The following MLLT10 variants were observed in gnomAD, a reference collection of about 807,000 sequenced individuals.
The protein encoded by MLLT10 is MLLT10 histone lysine methyltransferase DOT1L cofactor.
Under a neutral mutation model 129.1 loss-of-function variants are expected in MLLT10, and 30 were observed. The observed-to-expected ratio is 0.23, with a 90% CI of 0.17 to 0.32. The LOEUF (loss-of-function observed/expected upper bound fraction) is 0.32. Ranked by LOEUF, MLLT10 falls within the 10% of genes least tolerant of loss-of-function variation. The probability of loss-of-function intolerance (pLI) is 1.00; values close to 1 mark genes in which losing one functional copy is unlikely to be tolerated. For synonymous variants in MLLT10, 490 were observed against 446.4 expected (o/e 1.10, Z -1.23); for missense variants, 1,119 against 1,268.3 (o/e 0.88, Z 1.79).
At chr10:21,619,033 C>CACAT (rs1589259646) in intron 8 of MLLT10, among the ~76,000 whole-genome samples, 2 of 70,934 alleles carry the variant, frequency 2.8e-5, no homozygotes, top group African/African-American at 1.1e-4. Context: ...GTGACATACA[C>CACAT]ACACACACAC....
intron 13 of MLLT10, among the ~76,000 whole-genome samples, chr10:21,688,938 T>C (rs534956853): frequency 1.5e-4 from 23 of 152,134 alleles, no homozygotes; most frequent in Non-Finnish European, 2.4e-4. Flanking sequence ...AACATATATC[T>C]CAAATACTCT....
intron 17 of MLLT10, among the ~76,000 whole-genome samples, 156 bp from the exon 18 acceptor site, chr10:21,732,743 A>C (rs2131577862): frequency 6.6e-6 from 1 of 152,336 alleles, no homozygotes; most frequent in Middle Eastern, 3.4e-3. Context: ...TTATATCCAT[A>C]AACAAATTTA....
intron 3 of MLLT10, among the ~76,000 whole-genome samples, chr10:21,569,425 A>ATTT (rs768378294): frequency 2.2e-5 from 3 of 138,592 alleles, no homozygotes; most frequent in Non-Finnish European, 3.1e-5. Context: ...TACCCAGCCA[A>ATTT]TTTTTTTTTT....
chr10:21,690,644 T>C (rs972857187), intron 13 of MLLT10, among the ~76,000 whole-genome samples: 5 of 152,092 alleles, frequency 3.3e-5, no homozygotes, highest in Admixed American at 2.6e-4. Flanking sequence ...TCTTGTATTT[T>C]TTTGTCCGAA....
At chr10:21,629,829 G>T in intron 8 of MLLT10, among the ~76,000 whole-genome samples, 1 of 152,094 alleles carries the variant, frequency 6.6e-6, no homozygotes. Context: ...AGATTTGCTG[G>T]GCTTGCGTGT....
intron 8 of MLLT10, among the ~76,000 whole-genome samples, chr10:21,622,801 TAGTG>T (rs2046024105): frequency 6.6e-6 from 1 of 152,180 alleles, no homozygotes; most frequent in Non-Finnish European, 1.5e-5. Context: ...TACCCAGAGT[TAGTG>T]CAGATCCCAT....
intron 15 of MLLT10, among the ~76,000 whole-genome samples, chr10:21,727,602 T>C (rs1488653269): frequency 6.6e-6 from 1 of 152,144 alleles, no homozygotes; most frequent in Non-Finnish European, 1.5e-5. Context: ...TTCTGTGCTG[T>C]AAAATTGAAA....
chr10:21,668,333 G>A (rs1187936715), intron 9 of MLLT10, among the ~76,000 whole-genome samples: 4 of 151,992 alleles, frequency 2.6e-5, no homozygotes, highest in African/African-American at 9.7e-5. Flanking sequence ...TCGATTTTGA[G>A]TTGATCATTG....
chr10:21,561,126 A>T (rs1332629212), intron 3 of MLLT10, among the ~76,000 whole-genome samples: 1 of 151,858 alleles, frequency 6.6e-6, no homozygotes, highest in African/African-American at 2.4e-5. Context: ...ATCTTTTTTT[A>T]GTTTTTGTTT....
intron 9 of MLLT10, among the ~76,000 whole-genome samples, chr10:21,660,615 C>CAAAAAAAAAAAAAA (rs55685640): frequency 2.4e-4 from 10 of 41,824 alleles, no homozygotes; most frequent in African/African-American, 1.0e-3. Flanking sequence ...GACTCCATCT[C>CAAAAAAAAAAAAAA]AAAAAAAAAA....
At chr10:21,704,355 C>CTATATA (rs1204877963) in intron 13 of MLLT10, among the ~76,000 whole-genome samples, 9 of 70,456 alleles carry the variant, frequency 1.3e-4, no homozygotes, top group African/African-American at 3.8e-4. Flanking sequence ...CTCTCTCTCT[C>CTATATA]TCTATATATA....
rs887136238 is a variant in MLLT10, at chr10:21,534,534, G to C, written c.-1+14G>C. The C allele has an allele frequency of 4.8e-4, 584 of 1,219,784 alleles. No homozygotes were observed. The highest frequency in any genetic ancestry group is 6.0e-4 in the Non-Finnish European group (537 of 889,830). 75.6% of individuals were successfully genotyped at this position (1,219,784 alleles called of 1,614,324 possible). ...GGCAAAGCCCGAGTGAGCGAGCGGT[G>C]GGCTGCCGGGCCGGGCGGGGGGCGC... On this transcript the variant is annotated intron_variant, in intron 1 of 22. Coordinates refer to ENST00000307729, the MANE Select transcript of MLLT10 (RefSeq NM_001195626.3).
At chr10:21,625,099 G>A in intron 8 of MLLT10, 1 of 901,976 alleles carries the variant, frequency 1.1e-6, no homozygotes, top group South Asian at 1.5e-5. Flanking sequence ...TAATCTGGAG[G>A]TTAGCCATAT....
chr10:21,735,302 G>A, intron 21 of MLLT10, 67 bp downstream of exon 21: 1 of 1,292,036 alleles, frequency 7.7e-7, no homozygotes, highest in Non-Finnish European at 1.1e-6. Flanking sequence ...TTCACTGTGG[G>A]TACAGATTTC....
rs150478924 is a variant in MLLT10, at chr10:21,736,586, G to A, written c.2955+1351G>A. On this transcript the variant is annotated intron_variant, in intron 21 of 22. Transcript: ENST00000307729. The stretch of plus-strand genomic sequence containing the variant: ...GTGAGCCACTGTGCCCAGCCAAGAT[G>A]TTTTGAAGACAGAACCAACAAGACT... Among the ~76,000 whole-genome samples the A allele has an allele frequency of 2.3e-4, 35 of 152,332 alleles. No homozygotes were observed. In the East Asian group the frequency reaches 6.8e-3, roughly 29 times the overall value.
chr10:21,550,552 G>A (rs1473214290), intron 3 of MLLT10, among the ~76,000 whole-genome samples: 1 of 152,150 alleles, frequency 6.6e-6, no homozygotes. Context: ...TTGTTTTTGA[G>A]ACAGGGTCTT....
chr10:21,659,818 C>T (rs766130411), intron 9 of MLLT10, among the ~76,000 whole-genome samples: 11 of 151,514 alleles, frequency 7.3e-5, no homozygotes, highest in Non-Finnish European at 8.8e-5. Context: ...CTTAGTCTTG[C>T]TCTTTTTGTT....
rs889419666 is a variant in MLLT10, at chr10:21,726,142, A to G, written c.1879-102A>G. On this transcript the variant is annotated intron_variant, in intron 14 of 22. Transcript: ENST00000307729. Reference sequence around the variant, plus strand: ...TCAGAAGGTCACAAATTTTGCTTATATTCTTAGGTTGGAGAATATAATTAC... The same window carrying G: ...TCAGAAGGTCACAAATTTTGCTTATGTTCTTAGGTTGGAGAATATAATTAC... The G allele has an allele frequency of 3.8e-6, 3 of 781,154 alleles. No individual in the cohort carries two copies. The African/African-American group carries it at 5.4e-5, about 14-fold the overall frequency. 48.4% of individuals were successfully genotyped at this position (781,154 alleles called of 1,614,324 possible). A position where few individuals can be genotyped will look rare whatever the true frequency, so the allele number is the denominator to read the frequency against.
intron 21 of MLLT10, among the ~76,000 whole-genome samples, chr10:21,739,637 AGTG>A (rs747110978): frequency 6.6e-6 from 1 of 152,226 alleles, no homozygotes; most frequent in Non-Finnish European, 1.5e-5. Flanking sequence ...CTTGCTGTAG[AGTG>A]GTAACTGCAT....
Sources: allele counts gnomAD v4.1 joint callset (sites outside exome capture counted in the v4.1 genomes callset), GRCh38; gene constraint gnomAD v4.1.1; transcripts MANE v1.5; gene names NCBI Gene and HGNC (gene_info 2026-07-23, HGNC 2026-07-21).